Variants in POF1B observed in about 807,000 individuals in gnomAD.
The protein encoded by POF1B is protein POF1B.
POF1B carries 53 observed loss-of-function variants against 55.3 expected under a neutral mutation model. The observed-to-expected ratio is 0.96, with a 90% CI of 0.77 to 1.20. POF1B has a LOEUF of 1.20. POF1B is among the 50% of genes most tolerant of loss of function. The probability of loss-of-function intolerance (pLI) is 0.00; values close to 1 mark genes in which losing one functional copy is unlikely to be tolerated. For synonymous variants in POF1B, 188 were observed against 148.3 expected (o/e 1.27, Z -1.95); for missense variants, 478 against 420.5 (o/e 1.14, Z -1.20).
intron 7 of POF1B, among the ~76,000 whole-genome samples, chrX:85,319,716 G>A (rs907963081): frequency 5.4e-5 from 6 of 111,436 alleles, no homozygotes; most frequent in African/African-American, 1.6e-4. Flanking sequence ...CAGAAATAAA[G>A]CCTACTTGAC....
At chrX:85,360,488 T>A (rs1933587537) in intron 3 of POF1B, among the ~76,000 whole-genome samples, 2 of 99,279 alleles carry the variant, frequency 2.0e-5, no homozygotes, top group Admixed American at 1.1e-4. Context: ...AAAGACATGA[T>A]CTCATTCTAT....
chrX:85,378,786 CA>C (rs763508325), intron 2 of POF1B, among the ~76,000 whole-genome samples: 4 of 110,975 alleles, frequency 3.6e-5, no homozygotes, highest in African/African-American at 1.3e-4. Context: ...TATTTGATAC[CA>C]AAAAAAACCT....
intron 4 of POF1B, among the ~76,000 whole-genome samples, chrX:85,354,906 C>A (rs924811541): frequency 2.7e-5 from 3 of 111,197 alleles, no homozygotes; most frequent in Non-Finnish European, 5.7e-5. Flanking sequence ...AGATTCAATG[C>A]CATCCCCATC....
chrX:85,327,620 G>GT (rs1248524980), intron 7 of POF1B, among the ~76,000 whole-genome samples: 2 of 112,183 alleles, frequency 1.8e-5, no homozygotes, highest in African/African-American at 6.5e-5. Context: ...ATATCTTCTT[G>GT]TTTTTTAATG....
At chrX:85,349,113 A>G (rs1218193965) in intron 5 of POF1B, among the ~76,000 whole-genome samples, 2 of 111,186 alleles carry the variant, frequency 1.8e-5, no homozygotes, top group African/African-American at 6.5e-5. Flanking sequence ...AATACATACC[A>G]TAGCAAACCC....
intron 3 of POF1B, among the ~76,000 whole-genome samples, chrX:85,363,168 T>C (rs767011358): frequency 2.7e-5 from 3 of 111,696 alleles, no homozygotes; most frequent in Non-Finnish European, 5.6e-5. Flanking sequence ...CAGCAGCATA[T>C]CTGCCTTATT....
chrX:85,291,218 A>G (rs925801932), intron 15 of POF1B, among the ~76,000 whole-genome samples: 1 of 111,786 alleles, frequency 8.9e-6, no homozygotes, highest in East Asian at 2.8e-4. Flanking sequence ...TGTTTTTGAA[A>G]GCTTGGTCAA....
At chrX:85,359,251 C>T (rs764723817) in intron 4 of POF1B, among the ~76,000 whole-genome samples, 6 of 110,775 alleles carry the variant, frequency 5.4e-5, no homozygotes, top group Non-Finnish European at 7.6e-5. Flanking sequence ...TTTTTTCTTT[C>T]GTTCAAAGTG....
chrX:85,379,236 T>C lies in POF1B; in HGVS notation c.219A>G (p.Glu73=). The change falls in exon 2 of 17, where the codon GAA becomes GAG. Residue 73 remains glutamate, a synonymous_variant. Transcript: ENST00000262753. ...AGGTGGTTTTGAGAGGGGAGAGCAC[T>C]TCCCGTGAGTTGAAGGGGTCCAAGG... is the stretch of plus-strand genomic sequence containing the variant. The part of the protein sequence containing the change: ...VQALDPFNSR[E]VLSPLKTTSS... 8.3e-7 allele frequency: 1 copy of C among 1,210,810 alleles called. No individual in the cohort carries two copies. Among genetic ancestry groups the C allele is most frequent in the South Asian group, 1.8e-5 (1 of 56,854 alleles).
At chrX:85,309,943 C>T (rs1049518544) in intron 9 of POF1B, among the ~76,000 whole-genome samples, 1 of 111,859 alleles carries the variant, frequency 8.9e-6, no homozygotes, top group Admixed American at 9.5e-5. Context: ...TTCACCCTAT[C>T]GCATCAAGAG....
chrX:85,377,533 C>T (rs915746045), intron 2 of POF1B, among the ~76,000 whole-genome samples: 2 of 111,917 alleles, frequency 1.8e-5, no homozygotes, highest in African/African-American at 6.5e-5. Flanking sequence ...TACTTTTCTT[C>T]CTTTTCAATA....
At chrX:85,342,205 A>C (rs1358226203) in intron 6 of POF1B, among the ~76,000 whole-genome samples, 1 of 111,839 alleles carries the variant, frequency 8.9e-6, no homozygotes, top group African/African-American at 3.2e-5. Flanking sequence ...GGGTGATATT[A>C]GTAGGGAGGA....
intron 4 of POF1B, among the ~76,000 whole-genome samples, chrX:85,358,842 C>T (rs1317419280): frequency 9.0e-6 from 1 of 110,877 alleles, no homozygotes; most frequent in Non-Finnish European, 1.9e-5. Context: ...AAGGAATCTA[C>T]TTAGATAAAT....
chrX:85,346,610 C>T (rs1172361908), intron 5 of POF1B, among the ~76,000 whole-genome samples: 1 of 109,782 alleles, frequency 9.1e-6, no homozygotes, highest in African/African-American at 3.3e-5. Context: ...CTGATTTTAT[C>T]ACTAACTCTG....
intron 2 of POF1B, among the ~76,000 whole-genome samples, chrX:85,374,872 T>C (rs1208202872): frequency 3.6e-5 from 4 of 112,368 alleles, no homozygotes; most frequent in African/African-American, 9.7e-5. Flanking sequence ...ACTCAACTTA[T>C]ATAGCAAGAA....
intron 6 of POF1B, 38 bp from the exon 7 acceptor site, chrX:85,331,117 A>C: frequency 8.8e-7 from 1 of 1,141,609 alleles, no homozygotes; most frequent in Admixed American, 2.5e-5. Context: ...AGCAATATTA[A>C]GTTTTTCTAA....
chrX:85,379,619 C>T lies in POF1B; in HGVS notation c.-42+20G>A, dbSNP rs990849734. The T allele has an allele frequency of 1.1e-4, 58 of 523,923 alleles. No individual in the cohort carries two copies. Among genetic ancestry groups the T allele is most frequent in the Middle Eastern group, 1.1e-3 (2 of 1,767 alleles). The allele number at this position is 523,923 out of a possible 1,213,427, so 43.2% of individuals were successfully genotyped here. A position where few individuals can be genotyped will look rare whatever the true frequency, so the allele number is the denominator to read the frequency against. On this transcript the variant is annotated intron_variant, in intron 1 of 16. Transcript: ENST00000262753. ...TCAAAACCTCTGCCAATAGTGGTGCCGGGAAGAGAAGAAAGCTACCTGAGC... is the reference window on the plus strand; with the variant it reads ...TCAAAACCTCTGCCAATAGTGGTGCTGGGAAGAGAAGAAAGCTACCTGAGC...
intron 2 of POF1B, among the ~76,000 whole-genome samples, chrX:85,368,589 G>T (rs1278230461): frequency 9.0e-6 from 1 of 111,355 alleles, no homozygotes; most frequent in Non-Finnish European, 1.9e-5. Flanking sequence ...GCAACTAAGA[G>T]TAATTAATTT....
chrX:85,360,024 T>G (rs1300643138), intron 3 of POF1B, among the ~76,000 whole-genome samples: 2 of 110,726 alleles, frequency 1.8e-5, no homozygotes, highest in African/African-American at 6.5e-5. Flanking sequence ...CGTGTATGTG[T>G]GTGTAGTTAA....
Sources: gnomAD v4.1 joint callset for allele counts (sites outside exome capture counted in the v4.1 genomes callset) on GRCh38, gnomAD v4.1.1 for gene constraint, MANE v1.5 for transcripts, NCBI Gene and HGNC (gene_info 2026-07-23, HGNC 2026-07-21) for gene names.